Variants in PKNOX2 observed in about 807,000 individuals in gnomAD.
PKNOX2 encodes PBX/knotted 1 homeobox 2.
A neutral mutation model predicts 53.1 loss-of-function variants in PKNOX2; 14 were observed. The ratio of observed to expected loss-of-function variants is 0.26; its 90% CI spans 0.17 to 0.41. The LOEUF is 0.41. Among genes scored for constraint, PKNOX2 ranks in the 10% least tolerant of loss-of-function variants. The pLI is 1.00. For synonymous variants in PKNOX2, 257 were observed against 242.8 expected, an observed-to-expected ratio of 1.06 and a Z score of -0.54; for missense variants, 496 against 602.8, an observed-to-expected ratio of 0.82 and a Z score of 1.85.
At chr11:125,174,821 G>T (rs558992653) in intron 1 of PKNOX2, among the ~76,000 whole-genome samples, 1 of 152,080 alleles carries the variant, frequency 6.6e-6, no homozygotes, top group Admixed American at 6.5e-5. Flanking sequence ...CCCAAATAGC[G>T]GTGGTGGAAG....
intron 2 of PKNOX2, among the ~76,000 whole-genome samples, chr11:125,323,643 T>C (rs1002971439): frequency 1.3e-5 from 2 of 152,188 alleles, no homozygotes; most frequent in African/African-American, 4.8e-5. Context: ...CGTTCCTTAA[T>C]AACGAAAATT....
At position 125,165,006 on chromosome 11, in the gene PKNOX2, G is replaced by A. The variant is rs1426219260; in HGVS notation, c.-201+230G>A. ...AGGAGGGAGGCAGGGAGCAGCGAGG[G>A]ACGGCGGGAGCGTGCAGAGAGAAGC... On this transcript the variant is annotated intron_variant, in intron 1 of 12. Transcript: ENST00000298282. The surrounding 1 kb of genome is among the most constrained non-coding windows in gnomAD (Gnocchi z 4.5). Among the ~76,000 whole-genome samples, 1 of 151,790 alleles carries A rather than the reference G, an allele frequency of 6.6e-6. No individual in the cohort carries two copies. The highest frequency in any genetic ancestry group is 6.6e-5 in the Admixed American group (1 of 15,244).
intron 1 of PKNOX2, among the ~76,000 whole-genome samples, chr11:125,184,546 C>T (rs1956338618): frequency 6.6e-6 from 1 of 152,176 alleles, no homozygotes; most frequent in Admixed American, 6.5e-5. Flanking sequence ...TGAGCAAAGA[C>T]CCTACTGTGT....
chr11:125,358,634 G>A (rs182700998), intron 4 of PKNOX2, among the ~76,000 whole-genome samples: 113 of 152,354 alleles, frequency 7.4e-4, no homozygotes, highest in African/African-American at 2.6e-3. Context: ...CAGAATAGAG[G>A]TGACCGAGGC....
intron 2 of PKNOX2, among the ~76,000 whole-genome samples, chr11:125,253,272 A>G (rs924889650): frequency 6.6e-6 from 1 of 151,816 alleles, no homozygotes; most frequent in African/African-American, 2.4e-5. Flanking sequence ...TCTCAGTCCT[A>G]TCATGTAGAT....
At chr11:125,356,054 A>C (rs1951595395) in intron 4 of PKNOX2, among the ~76,000 whole-genome samples, 1 of 133,500 alleles carries the variant, frequency 7.5e-6, no homozygotes, top group African/African-American at 2.7e-5. Context: ...ACTTTTCCTC[A>C]AACACAGACA....
chr11:125,366,807 C>A (rs995847487), intron 4 of PKNOX2, among the ~76,000 whole-genome samples: 21 of 152,250 alleles, frequency 1.4e-4, no homozygotes, highest in African/African-American at 4.6e-4. Flanking sequence ...ATATCTGATT[C>A]TTTCAAGGCA....
rs111572678 is a variant in PKNOX2 at position 125,285,738 on chromosome 11, T to A, written c.-129-46081T>A. ...TTTCAGAAATTTTGCAAGCCAATGG[T>A]TAAACACAGCCATTATTAACATTAA... is the stretch of plus-strand genomic sequence containing the variant. On this transcript the variant is annotated intron_variant, in intron 2 of 12. Coordinates refer to ENST00000298282, the MANE Select transcript of PKNOX2 (RefSeq NM_001382323.2). Among the ~76,000 whole-genome samples the A allele has an allele frequency of 9.8e-5, 15 of 152,302 alleles. 1 individual carries two copies. The highest frequency in any genetic ancestry group is 3.6e-4 in the African/African-American group (15 of 41,572).
chr11:125,282,162 T>C (rs574504935), intron 2 of PKNOX2, among the ~76,000 whole-genome samples: 6 of 152,224 alleles, frequency 3.9e-5, no homozygotes, highest in Non-Finnish European at 7.3e-5. Context: ...AGAAAAGCTG[T>C]CTGTCAGCTC....
Position 125,410,227 on chromosome 11 carries a change from C to T in PKNOX2, c.620C>T (p.Ser207Phe), listed in dbSNP as rs746656386. 1.9e-6 allele frequency: 3 copies of T among 1,613,942 alleles called. No homozygotes were observed. The highest frequency in any genetic ancestry group is 2.5e-6 in the Non-Finnish European group (3 of 1,179,994). The change falls in exon 8 of 13, where the codon TCC becomes TTC. Residue 207 changes from serine (S) to phenylalanine (F), a missense_variant. Around this residue, in one of 5 missense-constraint regions of PKNOX2, gnomAD observed 141 missense variants for 143.9 expected, o/e 0.98. Coordinates refer to ENST00000298282, the MANE Select transcript of PKNOX2 (RefSeq NM_001382323.2). ...DLLQNSPNSM[S>F]GVSNNPQGIV... Reference sequence around the variant, plus strand: ...CTGCAGAATTCCCCCAATTCCATGTCCGGAGTCTCCAATAACCCCCAGGGG... The same window carrying T: ...CTGCAGAATTCCCCCAATTCCATGTTCGGAGTCTCCAATAACCCCCAGGGG...
intron 5 of PKNOX2, among the ~76,000 whole-genome samples, chr11:125,376,904 C>T (rs1458876162): frequency 1.3e-5 from 2 of 152,140 alleles, no homozygotes; most frequent in Non-Finnish European, 1.5e-5. Flanking sequence ...TATTGGCAGT[C>T]CTTTTTCGGT....
intron 5 of PKNOX2, among the ~76,000 whole-genome samples, chr11:125,377,428 G>A (rs1030623958): frequency 5.9e-5 from 9 of 152,206 alleles, no homozygotes; most frequent in East Asian, 1.9e-4. Context: ...TGCTGAGGTC[G>A]TTGGAGGGGA....
At chr11:125,325,953 GAAT>G (rs955793848) in intron 2 of PKNOX2, among the ~76,000 whole-genome samples, 5 of 152,178 alleles carry the variant, frequency 3.3e-5, no homozygotes, top group African/African-American at 7.2e-5. Context: ...CTTTGGCAAT[GAAT>G]AATAATAACT....
intron 2 of PKNOX2, among the ~76,000 whole-genome samples, chr11:125,312,612 C>T (rs1394277760): frequency 2.6e-5 from 4 of 152,162 alleles, no homozygotes; most frequent in African/African-American, 7.2e-5. Flanking sequence ...GGCAGACCCA[C>T]CGCACCCTGC....
At chr11:125,310,520 A>T (rs1244904844) in intron 2 of PKNOX2, among the ~76,000 whole-genome samples, 1 of 151,680 alleles carries the variant, frequency 6.6e-6, no homozygotes, top group African/African-American at 2.4e-5. Context: ...AAAAATAATA[A>T]TATATAAATA....
intron 1 of PKNOX2, among the ~76,000 whole-genome samples, chr11:125,209,908 A>G (rs1316574757): frequency 2.6e-5 from 4 of 151,964 alleles, no homozygotes; most frequent in Non-Finnish European, 5.9e-5. Context: ...CTGGGCTGGT[A>G]TTGCTCTTGT....
intron 7 of PKNOX2, among the ~76,000 whole-genome samples, chr11:125,403,887 G>A (rs1433011193): frequency 5.3e-5 from 8 of 152,196 alleles, no homozygotes; most frequent in Non-Finnish European, 7.3e-5. Flanking sequence ...TGCCAGATGC[G>A]ACTCTGCAGC....
intron 1 of PKNOX2, among the ~76,000 whole-genome samples, chr11:125,189,421 G>GTATATATA (rs1956676395): frequency 4.5e-5 from 2 of 44,670 alleles, no homozygotes; most frequent in Non-Finnish European, 8.1e-5. Context: ...ATATGTGTGT[G>GTATATATA]TGTGTGTGTG....
rs1200056470 is a variant in PKNOX2 at position 125,166,837 on chromosome 11, A to T, written c.-201+2061A>T. Among the ~76,000 whole-genome samples the T allele has an allele frequency of 6.6e-6, 1 of 152,122 alleles. No individual in the cohort carries two copies. The highest frequency in any genetic ancestry group is 1.5e-5 in the Non-Finnish European group (1 of 68,020). The stretch of plus-strand genomic sequence containing the variant: ...ATCTCTCCTGTCCGGAGACTTCAGG[A>T]TATTAGCTTTTCGGGTTTCAAATGC... On this transcript the variant is annotated intron_variant, in intron 1 of 12. Coordinates refer to ENST00000298282, the MANE Select transcript of PKNOX2 (RefSeq NM_001382323.2). This position sits in a 1 kb window ranked among gnomAD's most constrained non-coding sequence, Gnocchi z 4.0.
Sources: allele counts gnomAD v4.1 joint callset (sites outside exome capture counted in the v4.1 genomes callset), GRCh38; gene constraint gnomAD v4.1.1; regional missense constraint gnomAD v4.1.1; non-coding constraint Gnocchi (gnomAD v3.1); transcripts MANE v1.5; gene names NCBI Gene and HGNC (gene_info 2026-07-23, HGNC 2026-07-21).